Variants in LOC128706665 observed in about 807,000 individuals in gnomAD.
chr20:10,431,759 GCCACTTGTCTTCTC>G, the LOC128706665 span: 1 of 152,162 alleles, frequency 6.6e-6, no homozygotes, highest in African/African-American at 2.4e-5. Flanking sequence ...GAAGGTAGCA[GCCACTTGTCTTCTC>G]TGCTATATTC....
the LOC128706665 span, chr20:10,413,913 T>A: frequency 2.4e-6 from 1 of 416,266 alleles, no homozygotes; most frequent in Non-Finnish European, 4.2e-6. Context: ...GAAGCTCAGA[T>A]TCAAAGCTGC....
At chr20:10,427,029 G>GACACACACACAGACACAC in the LOC128706665 span, among the ~76,000 whole-genome samples, 854 of 130,762 alleles carry the variant, frequency 6.5e-3, 13 homozygotes, top group African/African-American at 9.6e-3. Flanking sequence ...AGAAAACACT[G>GACACACACACAGACACAC]ACACACACAC....
chr20:10,429,419 T>A, the LOC128706665 span, among the ~76,000 whole-genome samples: 1 of 152,210 alleles, frequency 6.6e-6, no homozygotes, highest in Non-Finnish European at 1.5e-5. Flanking sequence ...ACTTCTATGA[T>A]CATGCATCCA....
chr20:10,427,047 C>CACACACACAG, the LOC128706665 span, among the ~76,000 whole-genome samples: 1 of 137,984 alleles, frequency 7.2e-6, no homozygotes, highest in African/African-American at 2.6e-5. Context: ...CACACACACA[C>CACACACACAG]ACACACACAC....
chr20:10,427,986 A>G, the LOC128706665 span, among the ~76,000 whole-genome samples: 2 of 152,236 alleles, frequency 1.3e-5, no homozygotes, highest in African/African-American at 2.4e-5. Flanking sequence ...ATGCGTAAGT[A>G]TCTTATGTCT....
At chr20:10,430,040 AAAAAAC>A in the LOC128706665 span, among the ~76,000 whole-genome samples, 5 of 151,946 alleles carry the variant, frequency 3.3e-5, no homozygotes, top group African/African-American at 1.2e-4. Flanking sequence ...ACAAAAAACA[AAAAAAC>A]AAAAACAAAA....
At chr20:10,421,354 G>A in the LOC128706665 span, among the ~76,000 whole-genome samples, 2 of 151,038 alleles carry the variant, frequency 1.3e-5, no homozygotes, top group East Asian at 1.9e-4. Flanking sequence ...AACTTGGGAG[G>A]TGGAGGTTGC....
the LOC128706665 span, among the ~76,000 whole-genome samples, chr20:10,429,704 A>C: frequency 4.7e-4 from 72 of 152,258 alleles, 2 homozygotes; most frequent in South Asian, 2.1e-4. Context: ...GCCATTTGAC[A>C]TAAGTGTTTC....
At chr20:10,423,546 T>A in the LOC128706665 span, among the ~76,000 whole-genome samples, 7 of 152,200 alleles carry the variant, frequency 4.6e-5, no homozygotes, top group African/African-American at 1.4e-4. Context: ...CACTAATGTT[T>A]GGGGAAGTGT....
chr20:10,427,974 G>A, the LOC128706665 span, among the ~76,000 whole-genome samples: 2 of 152,222 alleles, frequency 1.3e-5, no homozygotes, highest in East Asian at 3.8e-4. Flanking sequence ...GCCGAAACAG[G>A]TATGCGTAAG....
At chr20:10,428,838 C>G in the LOC128706665 span, among the ~76,000 whole-genome samples, 4 of 126,562 alleles carry the variant, frequency 3.2e-5, no homozygotes, top group African/African-American at 1.4e-4. Flanking sequence ...AGCAAGACTC[C>G]GTCTCAATAA....
chr20:10,420,002 T>C, the LOC128706665 span, among the ~76,000 whole-genome samples: 1 of 152,348 alleles, frequency 6.6e-6, no homozygotes, highest in East Asian at 1.9e-4. Flanking sequence ...GGAGTGAGGA[T>C]AAAATGTTTT....
chr20:10,422,137 T>A, the LOC128706665 span, among the ~76,000 whole-genome samples: 6 of 152,174 alleles, frequency 3.9e-5, no homozygotes, highest in African/African-American at 1.4e-4. Flanking sequence ...ATAAAAGATG[T>A]TATCTTATAG....
the LOC128706665 span, among the ~76,000 whole-genome samples, chr20:10,422,334 C>T: frequency 6.6e-6 from 1 of 151,888 alleles, no homozygotes; most frequent in African/African-American, 2.4e-5. Flanking sequence ...CTTTTTGTAA[C>T]CTTTAGAGAA....
chr20:10,433,826 C>A, the LOC128706665 span, among the ~76,000 whole-genome samples: 9 of 152,140 alleles, frequency 5.9e-5, no homozygotes, highest in African/African-American at 1.2e-4. Context: ...CAGGTGGGAG[C>A]GTGGTGAGGC....
chr20:10,417,136 A>G, the LOC128706665 span, among the ~76,000 whole-genome samples: 3 of 151,962 alleles, frequency 2.0e-5, no homozygotes, highest in African/African-American at 7.3e-5. Flanking sequence ...CTGTAATCCC[A>G]GTTACTCGGG....
the LOC128706665 span, among the ~76,000 whole-genome samples, chr20:10,416,323 G>A: frequency 6.6e-6 from 1 of 151,662 alleles, no homozygotes; most frequent in South Asian, 2.1e-4. Context: ...ATGATTATAG[G>A]TATGAGGTAA....
the LOC128706665 span, chr20:10,431,976 G>A: frequency 2.6e-5 from 4 of 152,260 alleles, no homozygotes; most frequent in Non-Finnish European, 5.9e-5. Flanking sequence ...CTACCTTTGT[G>A]ATGAATGCTG....
the LOC128706665 span, among the ~76,000 whole-genome samples, chr20:10,432,996 C>T: frequency 1.3e-5 from 2 of 151,996 alleles, no homozygotes; most frequent in African/African-American, 4.8e-5. Flanking sequence ...ATCTTTTTTC[C>T]CCCAGAATGT....
Sources: gnomAD v4.1 joint callset for allele counts (sites outside exome capture counted in the v4.1 genomes callset) on GRCh38, gnomAD v4.1.1 for gene constraint, MANE v1.5 for transcripts.